The following EIF4G1 variants were observed in gnomAD, a reference collection of about 807,000 sequenced individuals.
The protein encoded by EIF4G1 is EIF4-gamma.
A neutral mutation model predicts 187.8 loss-of-function variants in EIF4G1; 4 were observed. That is an observed-to-expected ratio of 0.02 (90% CI 0.01 to 0.05). The LOEUF (loss-of-function observed/expected upper bound fraction) is 0.05, where lower values mean the gene tolerates loss of function less well. Ranked by LOEUF, EIF4G1 falls within the 10% of genes least tolerant of loss-of-function variation. EIF4G1 has a pLI of 1.00. For synonymous variants in EIF4G1, 844 were observed against 781.4 expected, an observed-to-expected ratio of 1.08 and a Z score of -1.34; for missense variants, 1,647 against 2,081.1, an observed-to-expected ratio of 0.79 and a Z score of 4.06.
chr3:184,323,139 T>C lies in EIF4G1; in HGVS notation c.1986T>C (p.Cys662=). The C allele has an allele frequency of 6.2e-7, 1 of 1,614,218 alleles. No homozygotes were observed. Among genetic ancestry groups the C allele is most frequent in the East Asian group, 2.2e-5 (1 of 44,866 alleles). Residue 662 remains cysteine (C), a synonymous_variant, in exon 14 of 33, where the codon TGT becomes TGC. Transcript: ENST00000346169. This position sits in a 1 kb window ranked among gnomAD's most constrained non-coding sequence, Gnocchi z 6.9. ...LDPTRLQGIN[C]GPDFTPSFAN... ...CCACTAGACTACAAGGCATAAATTG[T>C]GGCCCAGACTTCACTCCATCCTTTG...
At chr3:184,328,834 C>G in intron 27 of EIF4G1, 75 bp from the exon 28 acceptor site, 1 of 1,613,980 alleles carries the variant, frequency 6.2e-7, no homozygotes, top group Non-Finnish European at 8.5e-7. Flanking sequence ...GTTGGATACC[C>G]TGGTTTGGAG....
chr3:184,328,544 T>G, intron 26 of EIF4G1, 87 bp from the exon 27 acceptor site: 2 of 1,585,130 alleles, frequency 1.3e-6, no homozygotes, highest in Non-Finnish European at 1.7e-6. Context: ...GGGGGTTCCA[T>G]AGTTGATGCC....
At chr3:184,315,881 G>T (rs754124666) in intron 3 of EIF4G1, 25 bp downstream of exon 3, 2 of 1,542,396 alleles carry the variant, frequency 1.3e-6, no homozygotes, top group Admixed American at 2.0e-5. Flanking sequence ...ATTAGCAGGG[G>T]TGGGGGTGGG....
chr3:184,320,530 G>T (rs775010711), intron 7 of EIF4G1, 100 bp from the exon 8 acceptor site: 31 of 1,600,750 alleles, frequency 1.9e-5, no homozygotes, highest in Non-Finnish European at 2.6e-5. Context: ...CCTGCTTCCC[G>T]CTGGGGGGTG....
rs750047335 is a variant in EIF4G1, at chr3:184,325,145, G to T, written c.2856+31G>T. The T allele has an allele frequency of 6.8e-6, 11 of 1,610,794 alleles. No individual in the cohort carries two copies. Among genetic ancestry groups the T allele is most frequent in the African/African-American group, 1.3e-5 (1 of 74,822 alleles). On this transcript the variant is annotated intron_variant, in intron 18 of 32. Coordinates refer to ENST00000346169, the MANE Select transcript of EIF4G1 (RefSeq NM_198241.3). This position sits in a 1 kb window ranked among gnomAD's most constrained non-coding sequence, Gnocchi z 5.2. ...GGTCCTTGCATCTGGAGGGGGATGGGCTGAAGCATATGTGGGGCTCACTGA... is the reference window on the plus strand; with the variant it reads ...GGTCCTTGCATCTGGAGGGGGATGGTCTGAAGCATATGTGGGGCTCACTGA...
At position 184,332,094 on chromosome 3, in the gene EIF4G1, C is replaced by T. The variant is rs1013401579; in HGVS notation, c.4618+8C>T. 1 of 1,614,040 alleles carries T rather than the reference C, an allele frequency of 6.2e-7. No homozygotes were observed. The highest frequency in any genetic ancestry group is 8.5e-7 in the Non-Finnish European group (1 of 1,180,042). ...CCTTAGAACAGCCTCCCAGTAAGAG[C>T]CAGGCCATGGGGACAGGGGTGGGGT... On this transcript the variant is annotated splice_region_variant and intron_variant, in intron 32 of 32. Coordinates refer to ENST00000346169, the MANE Select transcript of EIF4G1 (RefSeq NM_198241.3).
At chr3:184,328,035 A>G (rs988738204) in intron 26 of EIF4G1, 33 bp downstream of exon 26, 1 of 1,597,806 alleles carries the variant, frequency 6.3e-7, no homozygotes, top group South Asian at 1.1e-5. Flanking sequence ...TCCCACTTAT[A>G]CAGACCCACA....
chr3:184,317,228 C>G, intron 4 of EIF4G1, 93 bp from the exon 5 acceptor site: 2 of 1,449,366 alleles, frequency 1.4e-6, no homozygotes, highest in Non-Finnish European at 1.9e-6. Flanking sequence ...GCCCACAGTA[C>G]TTCTTTCCAG....
In EIF4G1 at chr3:184,322,953, A is replaced by G. The variant is rs1724160608; in HGVS notation, c.1928A>G (p.Lys643Arg). 4 of 1,614,160 alleles carry G rather than the reference A, an allele frequency of 2.5e-6. No individual in the cohort carries two copies. The highest frequency in any genetic ancestry group is 3.4e-6 in the Non-Finnish European group (4 of 1,180,034). The change falls in exon 13 of 33, where the codon AAG (lysine) becomes AGG (arginine). Residue 643 changes from lysine (K) to arginine (R), a missense_variant and splice_region_variant. Around this residue, in one of 11 missense-constraint regions of EIF4G1, gnomAD observed 140 missense variants for 222.2 expected, o/e 0.63. Transcript: ENST00000346169. ...CATATCAGTGACGTGGTGCTGGACA[A>G]GGTTAGTGGCTTCAGTTGGGGAGGG... ...LPHISDVVLDKANKTPLRPLD... is the reference protein window; with the variant it reads ...LPHISDVVLDRANKTPLRPLD...
intron 4 of EIF4G1, 144 bp downstream of exon 4, chr3:184,316,362 T>A: frequency 9.1e-7 from 1 of 1,098,290 alleles, no homozygotes; most frequent in Non-Finnish European, 1.3e-6. Flanking sequence ...CGCCTTGCCC[T>A]GTTGATTACT....
rs1247378143 is a variant in EIF4G1, at chr3:184,317,790, C to T, written c.398C>T (p.Ala133Val). 6.2e-7 allele frequency: 1 copy of T among 1,613,950 alleles called. No individual in the cohort carries two copies. The highest frequency in any genetic ancestry group is 1.3e-5 in the African/African-American group (1 of 74,906). Residue 133 changes from alanine to valine, a missense_variant, in exon 6 of 33, where the codon GCA becomes GTA. Ala to Val is a moderately conservative substitution (Grantham distance 64). Around this residue, in one of 11 missense-constraint regions of EIF4G1, gnomAD observed 139 missense variants for 187.3 expected, o/e 0.74. Transcript: ENST00000346169. ...GGAGCCCCAGGCTTCTATCCAGGTG[C>T]AAGCCCTACAGAATTTGGGACCTAC... ...QPGAPGFYPG[A>V]SPTEFGTYAG... is the part of the protein sequence containing the mutation.
chr3:184,316,796 A>T, intron 4 of EIF4G1: 1 of 1,538,366 alleles, frequency 6.5e-7, no homozygotes, highest in South Asian at 1.1e-5. Context: ...CACCCTAGTC[A>T]GGGGCTAGAC....
chr3:184,316,038 T>A (rs1309967835), intron 3 of EIF4G1, 94 bp from the exon 4 acceptor site: 1 of 1,569,518 alleles, frequency 6.4e-7, no homozygotes, highest in Non-Finnish European at 8.6e-7. Context: ...TTGTTAAGGC[T>A]CTTGCCGCAG....
At position 184,320,964 on chromosome 3, in the gene EIF4G1, C is replaced by T. The variant is rs752416317; in HGVS notation, c.668C>T (p.Thr223Met). The T allele has an allele frequency of 9.3e-6, 15 of 1,614,110 alleles. No homozygotes were observed. Among genetic ancestry groups the T allele is most frequent in the Admixed American group, 5.0e-5 (3 of 60,026 alleles). The change falls in exon 9 of 33, where the codon ACG becomes ATG. Residue 223 changes from threonine to methionine, a missense_variant. Thr to Met is a moderately conservative substitution (Grantham distance 81). Around this residue, in one of 11 missense-constraint regions of EIF4G1, gnomAD observed 522 missense variants for 485.2 expected, o/e 1.08. Coordinates refer to ENST00000346169, the MANE Select transcript of EIF4G1 (RefSeq NM_198241.3). ...GGLEPQANGE[T>M]PQVAVIVRPD... ...CTGGAGCCTCAAGCTAATGGGGAGA[C>T]GCCCCAGGTTGCTGTCATTGTCCGG...
Position 184,324,339 on chromosome 3 carries a change from G to A in EIF4G1, c.2611G>A (p.Ala871Thr). 1.9e-6 allele frequency: 3 copies of A among 1,614,190 alleles called. No individual in the cohort carries two copies. The highest frequency in any genetic ancestry group is 2.5e-6 in the Non-Finnish European group (3 of 1,180,030). The change falls in exon 17 of 33, where the codon GCT becomes ACT. Residue 871 changes from alanine to threonine, a missense_variant. By Grantham distance (58) the Ala-to-Thr change is moderately conservative (BLOSUM62 0). Coordinates refer to ENST00000346169, the MANE Select transcript of EIF4G1 (RefSeq NM_198241.3). ...GAAGAAGCAAAAAGAGATGGATGAAGCTGCTACGGTGAGAGAAAACCCACT... is the reference window on the plus strand; with the variant it reads ...GAAGAAGCAAAAAGAGATGGATGAAACTGCTACGGTGAGAGAAAACCCACT... ...FEKKQKEMDE[A>T]ATAEERGRLK...
intron 28 of EIF4G1, among the ~76,000 whole-genome samples, chr3:184,329,364 G>A (rs1470478945): frequency 1.3e-5 from 2 of 152,214 alleles, no homozygotes; most frequent in African/African-American, 4.8e-5. Context: ...CGGGCGCAGT[G>A]GCTCACGCCT....
chr3:184,323,934 A>C lies in EIF4G1; in HGVS notation c.2429A>C (p.Asn810Thr). The C allele has an allele frequency of 6.2e-7, 1 of 1,614,066 alleles. No homozygotes were observed. Among genetic ancestry groups the C allele is most frequent in the Non-Finnish European group, 8.5e-7 (1 of 1,180,034 alleles). The part of the protein sequence containing the change: ...LIFEKAISEP[N>T]FSVAYANMCR... ...TTTGAGAAGGCCATTTCAGAGCCCA[A>C]CTTCTCTGTGGCCTATGCCAACATG... Residue 810 changes from asparagine to threonine, a missense_variant, in exon 16 of 33, where the codon AAC (asparagine) becomes ACC (threonine). This residue lies in a region of EIF4G1 where 36 missense variants were observed against 87.6 expected (regional missense o/e 0.41). Transcript: ENST00000346169. This position sits in a 1 kb window ranked among gnomAD's most constrained non-coding sequence, Gnocchi z 6.9.
rs918396031 is a variant in EIF4G1, at chr3:184,315,809, C to G, written c.13C>G (p.Pro5Ala). MNKA[P>A]QSTGPPPAPS... ...GGCACCAAATGAAATGAACAAAGCT[C>G]CACAGTCCACAGGCCCCCCACCCGC... The change falls in exon 3 of 33, where the codon CCA becomes GCA. Residue 5 changes from proline to alanine, a missense_variant. Around this residue, in one of 11 missense-constraint regions of EIF4G1, gnomAD observed 61 missense variants for 49.5 expected, o/e 1.23. Transcript: ENST00000346169. 1.9e-6 allele frequency: 3 copies of G among 1,551,730 alleles called. No homozygotes were observed. The highest frequency in any genetic ancestry group is 2.6e-6 in the Non-Finnish European group (3 of 1,146,994).
chr3:184,324,354 G>A lies in EIF4G1; in HGVS notation c.2619+7G>A, dbSNP rs1487596562. 3.1e-6 allele frequency: 5 copies of A among 1,614,082 alleles called. No homozygotes were observed. The highest frequency in any genetic ancestry group is 3.4e-6 in the Non-Finnish European group (4 of 1,180,040). ...GATGGATGAAGCTGCTACGGTGAGA[G>A]AAAACCCACTATCGATTCCACTCAC... On this transcript the variant is annotated splice_region_variant and intron_variant, in intron 17 of 32. Transcript: ENST00000346169.
Sources: allele counts gnomAD v4.1 joint callset (sites outside exome capture counted in the v4.1 genomes callset), GRCh38; gene constraint gnomAD v4.1.1; regional missense constraint gnomAD v4.1.1; non-coding constraint Gnocchi (gnomAD v3.1); transcripts MANE v1.5; gene names NCBI Gene and HGNC (gene_info 2026-07-23, HGNC 2026-07-21).